FAT4: variants seen among roughly 807,000 people sequenced by gnomAD.
FAT4 encodes FAT atypical cadherin 4.
A neutral mutation model predicts 303.9 loss-of-function variants in FAT4; 84 were observed. That is an observed-to-expected ratio of 0.28 (90% CI 0.23 to 0.33). The LOEUF (loss-of-function observed/expected upper bound fraction) is 0.33. Among genes scored for constraint, FAT4 ranks in the 10% least tolerant of loss-of-function variants. FAT4 has a pLI of 1.00. For missense variants in FAT4, 6,005 were observed against 6,146.8 expected (o/e 0.98, Z 0.77); for synonymous variants, 2,307 against 2,298.8 (o/e 1.00, Z -0.10).
At chr4:125,476,890 T>G (rs1414469270) in intron 13 of FAT4, among the ~76,000 whole-genome samples, 2 of 152,138 alleles carry the variant, frequency 1.3e-5, no homozygotes, top group Non-Finnish European at 2.9e-5. Context: ...AGTATGCTCC[T>G]TCTTGTTGAC....
At chr4:125,419,922 A>C (rs1735219968) in intron 7 of FAT4, among the ~76,000 whole-genome samples, 1 of 152,248 alleles carries the variant, frequency 6.6e-6, no homozygotes. Context: ...CCAATCAATC[A>C]GGCTTCCTTA....
chr4:125,377,746 A>G (rs1473594517), intron 2 of FAT4, among the ~76,000 whole-genome samples: 1 of 152,028 alleles, frequency 6.6e-6, no homozygotes, highest in African/African-American at 2.4e-5. Flanking sequence ...AGATTCAAAA[A>G]CCTTGGCAAA....
chr4:125,481,808 C>A (rs1029249521), intron 16 of FAT4, 70 bp downstream of exon 16: 2 of 1,336,054 alleles, frequency 1.5e-6, no homozygotes, highest in Admixed American at 3.6e-5. Flanking sequence ...AATCACTTCC[C>A]CCATAATTTC....
chr4:125,434,455 C>A, intron 8 of FAT4, 30 bp downstream of exon 8: 2 of 1,599,738 alleles, frequency 1.3e-6, no homozygotes, highest in Non-Finnish European at 8.6e-7. Flanking sequence ...TAAAGTTTGT[C>A]TGTTTTCTCA....
intron 7 of FAT4, among the ~76,000 whole-genome samples, chr4:125,421,656 A>G (rs1376036812): frequency 6.6e-6 from 1 of 152,194 alleles, no homozygotes; most frequent in Non-Finnish European, 1.5e-5. Context: ...GAGTTTTTAA[A>G]GAAAGCTACA....
intron 2 of FAT4, among the ~76,000 whole-genome samples, chr4:125,351,223 G>A (rs1732213317): frequency 6.6e-6 from 1 of 151,658 alleles, no homozygotes; most frequent in South Asian, 2.1e-4. Flanking sequence ...AAATATATAT[G>A]AAGATAAGTT....
chr4:125,342,765 T>C (rs1417475785), intron 2 of FAT4, among the ~76,000 whole-genome samples: 1 of 151,930 alleles, frequency 6.6e-6, no homozygotes, highest in Non-Finnish European at 1.5e-5. Context: ...AATTTTATAT[T>C]ACTTTATAGC....
intron 2 of FAT4, among the ~76,000 whole-genome samples, chr4:125,353,630 A>C (rs1009906653): frequency 6.6e-6 from 1 of 151,668 alleles, no homozygotes. Context: ...TTGATAAACT[A>C]TACATACATA....
intron 3 of FAT4, among the ~76,000 whole-genome samples, chr4:125,400,716 T>TA (rs3034198): frequency 0.43 from 64,615 of 151,292 alleles, 15,914 homozygotes; most frequent in African/African-American, 0.68. Flanking sequence ...TTTTTAAGTT[T>TA]AAAAAAAAAT....
At chr4:125,375,155 C>T (rs1479306800) in intron 2 of FAT4, among the ~76,000 whole-genome samples, 2 of 152,162 alleles carry the variant, frequency 1.3e-5, no homozygotes, top group East Asian at 1.9e-4. Flanking sequence ...AATTTTCCTA[C>T]AGGTCTTAGT....
At chr4:125,374,108 A>G (rs1477822422) in intron 2 of FAT4, among the ~76,000 whole-genome samples, 1 of 152,166 alleles carries the variant, frequency 6.6e-6, no homozygotes, top group Non-Finnish European at 1.5e-5. Context: ...AAGGCATCAG[A>G]TGAAATGAGC....
chr4:125,450,428 G>A lies in FAT4; in HGVS notation c.9418G>A (p.Ala3140Thr), dbSNP rs937627621. 6.2e-7 allele frequency: 1 copy of A among 1,613,996 alleles called. No homozygotes were observed. Among genetic ancestry groups the A allele is most frequent in the African/African-American group, 1.3e-5 (1 of 75,024 alleles). Residue 3140 changes from alanine to threonine, a missense_variant, in exon 10 of 18, where the codon GCA becomes ACA. Coordinates refer to ENST00000394329, the MANE Select transcript of FAT4 (RefSeq NM_001291303.3). ...ISSGNEEGIF[A>T]INSSTGILTL... Reference sequence around the variant, plus strand: ...TTCAGGAAATGAAGAAGGCATTTTTGCAATCAATTCTTCTACAGGTATATT... The same window carrying A: ...TTCAGGAAATGAAGAAGGCATTTTTACAATCAATTCTTCTACAGGTATATT...
At position 125,320,533 on chromosome 4, in the gene FAT4, T is replaced by G. The variant is rs866330767; in HGVS notation, c.4122T>G (p.Leu1374=). ...GCCCAAACACTGGGAGTATTTTTCT[T>G]GCCAAAAAACTGGACTTTGAAACAC... is the stretch of plus-strand genomic sequence containing the variant. ...SISPNTGSIF[L]AKKLDFETQS... is the part of the protein sequence containing the mutation. The change falls in exon 2 of 18, where the codon CTT becomes CTG. Residue 1374 remains leucine (L), a synonymous_variant. Transcript: ENST00000394329. The G allele has an allele frequency of 6.2e-7, 1 of 1,614,002 alleles. No homozygotes were observed. Among genetic ancestry groups the G allele is most frequent in the Middle Eastern group, 1.7e-4 (1 of 6,060 alleles).
At chr4:125,477,666 T>C (rs1727078577) in intron 14 of FAT4, among the ~76,000 whole-genome samples, 1 of 151,812 alleles carries the variant, frequency 6.6e-6, no homozygotes, top group Non-Finnish European at 1.5e-5. Context: ...CACAGAGAGA[T>C]ATGTAGATGT....
chr4:125,436,309 G>A (rs1314483911), intron 8 of FAT4, among the ~76,000 whole-genome samples: 1 of 152,092 alleles, frequency 6.6e-6, no homozygotes, highest in African/African-American at 2.4e-5. Flanking sequence ...TTACTGAAAT[G>A]GGTAGCATTG....
Position 125,321,673 on chromosome 4 carries a change from C to G in FAT4, c.5175+87C>G, listed in dbSNP as rs906305871. On this transcript the variant is annotated intron_variant, in intron 2 of 17. Coordinates refer to ENST00000394329, the MANE Select transcript of FAT4 (RefSeq NM_001291303.3). ...ATATTTACTCTCTATAATTGTTTACCTTCATTGTTTATTGTTAAATTTGTG... is the reference window on the plus strand; with the variant it reads ...ATATTTACTCTCTATAATTGTTTACGTTCATTGTTTATTGTTAAATTTGTG... 7.8e-6 allele frequency: 10 copies of G among 1,289,594 alleles called. No individual in the cohort carries two copies. The East Asian group carries it at 2.5e-4, about 32-fold the overall frequency. 79.9% of individuals were successfully genotyped at this position (1,289,594 alleles called of 1,614,324 possible). A position where few individuals can be genotyped will look rare whatever the true frequency, so the allele number is the denominator to read the frequency against.
chr4:125,454,531 G>GT (rs34684990), intron 10 of FAT4, among the ~76,000 whole-genome samples: 18,280 of 152,132 alleles, frequency 0.12, 1,626 homozygotes, highest in African/African-American at 0.26. Flanking sequence ...TAAATATAAT[G>GT]TTTGTAAAAC....
At chr4:125,473,893 T>A (rs1470590980) in intron 12 of FAT4, among the ~76,000 whole-genome samples, 1 of 152,068 alleles carries the variant, frequency 6.6e-6, no homozygotes, top group Non-Finnish European at 1.5e-5. Context: ...AATGTCTTCC[T>A]GTTTCAGAAA....
At chr4:125,425,507 A>G (rs1725056728) in intron 7 of FAT4, among the ~76,000 whole-genome samples, 1 of 152,138 alleles carries the variant, frequency 6.6e-6, no homozygotes, top group Non-Finnish European at 1.5e-5. Flanking sequence ...GTTCTCTCTA[A>G]GTAAAATAGC....
Sources: allele counts gnomAD v4.1 joint callset (sites outside exome capture counted in the v4.1 genomes callset), GRCh38; gene constraint gnomAD v4.1.1; transcripts MANE v1.5; gene names NCBI Gene and HGNC (gene_info 2026-07-23, HGNC 2026-07-21).